The following PIK3C2B variants were observed in gnomAD, a reference collection of about 807,000 sequenced individuals.
The protein encoded by PIK3C2B is phosphatidylinositol-4-phosphate 3-kinase catalytic subunit type 2 beta, also known as phosphatidylinositol 4-phosphate 3-kinase C2 domain-containing subunit beta.
In PIK3C2B, 83 loss-of-function variants were observed where a neutral mutation model predicts 184.3. That is an observed-to-expected ratio of 0.45 (90% CI 0.38 to 0.54). PIK3C2B has a LOEUF of 0.54. Ranked by LOEUF, PIK3C2B falls within the 20% of genes least tolerant of loss-of-function variation. PIK3C2B has a pLI of 0.00. For synonymous variants in PIK3C2B, 779 were observed against 837.6 expected, an observed-to-expected ratio of 0.93 and a Z score of 1.21; for missense variants, 1,736 against 2,113.5, an observed-to-expected ratio of 0.82 and a Z score of 3.50.
chr1:204,433,283 G>T lies in PIK3C2B; in HGVS notation c.3953+33C>A. ...GGCAGGCTGGGAATTACTCAGGGTGGGCAGTGCTGATTCGCTCAGGGAATC... is the reference window on the plus strand; with the variant it reads ...GGCAGGCTGGGAATTACTCAGGGTGTGCAGTGCTGATTCGCTCAGGGAATC... On this transcript the variant is annotated intron_variant, in intron 26 of 32. Coordinates refer to ENST00000684373, the MANE Select transcript of PIK3C2B (RefSeq NM_001377334.1). The surrounding 1 kb of genome is among the most constrained non-coding windows in gnomAD (Gnocchi z 5.0). 8.9e-7 allele frequency: 1 copy of T among 1,126,248 alleles called. No homozygotes were observed. Among genetic ancestry groups the T allele is most frequent in the Non-Finnish European group, 1.4e-6 (1 of 738,454 alleles). 69.8% of individuals were successfully genotyped at this position (1,126,248 alleles called of 1,614,324 possible). A position where few individuals can be genotyped will look rare whatever the true frequency, so the allele number is the denominator to read the frequency against.
intron 1 of PIK3C2B, among the ~76,000 whole-genome samples, chr1:204,481,309 C>T (rs1265095566): frequency 6.8e-6 from 1 of 146,794 alleles, no homozygotes; most frequent in Admixed American, 6.9e-5. Flanking sequence ...CGCTCTGTCG[C>T]CCAGGCTGAG....
chr1:204,463,639 C>T (rs1420019943), intron 5 of PIK3C2B, among the ~76,000 whole-genome samples: 2 of 152,176 alleles, frequency 1.3e-5, no homozygotes, highest in Non-Finnish European at 2.9e-5. Flanking sequence ...TTGCCCCAGC[C>T]ATAAAAACAC....
intron 8 of PIK3C2B, among the ~76,000 whole-genome samples, chr1:204,459,217 G>C (rs1484374362): frequency 6.6e-6 from 1 of 152,088 alleles, no homozygotes; most frequent in Non-Finnish European, 1.5e-5. Flanking sequence ...GGGTCTTGCT[G>C]TGTTGCCCAG....
At chr1:204,490,230 GC>G (rs1657918244) in intron 1 of PIK3C2B, 1 of 303,884 alleles carries the variant, frequency 3.3e-6, no homozygotes, top group African/African-American at 2.1e-5. Flanking sequence ...AATTGCTAAG[GC>G]TTCCTTCAGC....
intron 2 of PIK3C2B, among the ~76,000 whole-genome samples, chr1:204,467,599 C>T (rs1156265961): frequency 6.6e-6 from 1 of 151,996 alleles, no homozygotes; most frequent in Non-Finnish European, 1.5e-5. Context: ...CTTTGGGAGG[C>T]CAAAGTGGAC....
intron 1 of PIK3C2B, among the ~76,000 whole-genome samples, chr1:204,476,915 ACAGC>A: frequency 6.6e-6 from 1 of 152,380 alleles, no homozygotes; most frequent in East Asian, 1.9e-4. Flanking sequence ...AAGGTCTGTT[ACAGC>A]CAGTTTTCTT....
At chr1:204,455,187 A>G (rs1036533857) in intron 11 of PIK3C2B, among the ~76,000 whole-genome samples, 1 of 152,164 alleles carries the variant, frequency 6.6e-6, no homozygotes, top group African/African-American at 2.4e-5. Context: ...ATGCCAACAC[A>G]CGGGGGTCCC....
chr1:204,426,368 C>T (rs1318012630), intron 31 of PIK3C2B, among the ~76,000 whole-genome samples: 1 of 152,256 alleles, frequency 6.6e-6, no homozygotes, highest in Non-Finnish European at 1.5e-5. Context: ...TGACGCACCC[C>T]TGGCAGGCTC....
intron 30 of PIK3C2B, 47 bp downstream of exon 30, chr1:204,428,092 G>A (rs1426967333): frequency 9.2e-7 from 1 of 1,088,734 alleles, no homozygotes; most frequent in Non-Finnish European, 1.4e-6. Flanking sequence ...TTACCCTTGG[G>A]GTAGTTCAGA....
chr1:204,455,697 A>G (rs552247929), intron 11 of PIK3C2B, among the ~76,000 whole-genome samples, 159 bp downstream of exon 11: 1 of 152,290 alleles, frequency 6.6e-6, no homozygotes, highest in African/African-American at 2.4e-5. Flanking sequence ...AGTCCTCCTC[A>G]GGCACTTGGC....
At chr1:204,455,589 G>A (rs1386123745) in intron 11 of PIK3C2B, among the ~76,000 whole-genome samples, 1 of 152,082 alleles carries the variant, frequency 6.6e-6, no homozygotes, top group Non-Finnish European at 1.5e-5. Flanking sequence ...GATCTGGAGG[G>A]GGCAGGGATG....
intron 16 of PIK3C2B, 103 bp from the exon 17 acceptor site, chr1:204,444,527 A>T: frequency 1.3e-6 from 1 of 756,258 alleles, no homozygotes; most frequent in Non-Finnish European, 2.2e-6. Context: ...GGAGAAAGAA[A>T]ATGCAATGGC....
chr1:204,437,289 G>A (rs1465527028), intron 23 of PIK3C2B, among the ~76,000 whole-genome samples: 1 of 152,084 alleles, frequency 6.6e-6, no homozygotes, highest in African/African-American at 2.4e-5. Flanking sequence ...GAGGTCAGGA[G>A]TTCGCGACCA....
intron 30 of PIK3C2B, 128 bp from the exon 31 acceptor site, chr1:204,427,882 T>C (rs1263369989): frequency 4.3e-6 from 3 of 700,722 alleles, no homozygotes; most frequent in African/African-American, 3.6e-5. Flanking sequence ...TACATAAGTG[T>C]AGTCTGAATG....
rs1038761189 is a variant in PIK3C2B at position 204,464,042 on chromosome 1, T to G, written c.1280A>C (p.Lys427Thr). 2 of 1,614,184 alleles carry G rather than the reference T, an allele frequency of 1.2e-6. No individual in the cohort carries two copies. Among genetic ancestry groups the G allele is most frequent in the Non-Finnish European group, 1.7e-6 (2 of 1,180,016 alleles). ...CAGGAACTCCTCCAGCCCGCAGGGCTTTAGCACAAAGTCACCCACGTCCAC... is the reference window on the plus strand; with the variant it reads ...CAGGAACTCCTCCAGCCCGCAGGGCGTTAGCACAAAGTCACCCACGTCCAC... ...RNVDVGDFVL[K>T]PCGLEEFLQN... Residue 427 changes from lysine (K) to threonine (T), a missense_variant, in exon 5 of 33, where the codon AAG (lysine) becomes ACG (threonine). By Grantham distance (78) the Lys-to-Thr change is moderately conservative (BLOSUM62 -1). This residue lies in a region of PIK3C2B where 609 missense variants were observed against 699.2 expected (regional missense o/e 0.87). Coordinates refer to ENST00000684373, the MANE Select transcript of PIK3C2B (RefSeq NM_001377334.1).
chr1:204,426,061 AC>A (rs1285054803), intron 31 of PIK3C2B, among the ~76,000 whole-genome samples: 3 of 152,160 alleles, frequency 2.0e-5, no homozygotes, highest in Non-Finnish European at 4.4e-5. Context: ...TGCCATATCT[AC>A]TATCCTTATC....
rs1234267365 is a variant in PIK3C2B at position 204,464,604 on chromosome 1, G to C, written c.1035C>G (p.Ile345Met). ...CTTGGATGTCAGAGCCAGATCGAAG[G>C]CTGTACAGGAAGAAAAAAAACCCTC... Reference protein sequence around the residue: ...EVAAFCHMLDILRSGSDIQDY... With the variant: ...EVAAFCHMLDMLRSGSDIQDY... The change falls in exon 4 of 33, where the codon ATC becomes ATG. Residue 345 changes from isoleucine (I) to methionine (M), a missense_variant and splice_region_variant. Ile to Met is a conservative substitution (Grantham distance 10). This residue lies in a region of PIK3C2B where 609 missense variants were observed against 699.2 expected (regional missense o/e 0.87). Coordinates refer to ENST00000684373, the MANE Select transcript of PIK3C2B (RefSeq NM_001377334.1). The C allele has an allele frequency of 6.2e-7, 1 of 1,613,342 alleles. No homozygotes were observed. Among genetic ancestry groups the C allele is most frequent in the Non-Finnish European group, 8.5e-7 (1 of 1,179,670 alleles).
rs114740369 is a variant in PIK3C2B, at chr1:204,450,322, C to T, written c.2067-305G>A. On this transcript the variant is annotated intron_variant, in intron 12 of 32. Transcript: ENST00000684373. ...CAGAACTTGCTTAGCAGAGCCACCT[C>T]GGAGTTCAGGTGATGACACGTCCCA... Among the ~76,000 whole-genome samples, 826 of 152,300 alleles carry T rather than the reference C, an allele frequency of 5.4e-3. 11 individuals carry two copies. Among genetic ancestry groups the T allele is most frequent in the African/African-American group, 0.019 (791 of 41,554 alleles).
chr1:204,434,337 G>A (rs1432622734), intron 24 of PIK3C2B, 102 bp downstream of exon 24: 2 of 1,043,906 alleles, frequency 1.9e-6, no homozygotes, highest in Non-Finnish European at 2.9e-6. Context: ...ACCATGATCT[G>A]AGGCCCAGCT....
Sources: allele counts gnomAD v4.1 joint callset (sites outside exome capture counted in the v4.1 genomes callset), GRCh38; gene constraint gnomAD v4.1.1; regional missense constraint gnomAD v4.1.1; non-coding constraint Gnocchi (gnomAD v3.1); transcripts MANE v1.5; gene names NCBI Gene and HGNC (gene_info 2026-07-23, HGNC 2026-07-21).